NRXN1: variants seen among roughly 807,000 people sequenced by gnomAD.
NRXN1 encodes the protein neurexin-1.
Under a neutral mutation model 150.9 loss-of-function variants are expected in NRXN1, and 39 were observed. The observed-to-expected ratio is 0.26, with a 90% CI of 0.20 to 0.34. The LOEUF is 0.34. Among genes scored for constraint, NRXN1 ranks in the 10% least tolerant of loss-of-function variants. The pLI, the probability that NRXN1 is intolerant of heterozygous loss-of-function variation, is 1.00. For missense variants in NRXN1, 1,815 were observed against 1,949.9 expected (o/e 0.93, Z 1.30); for synonymous variants, 924 against 757.0 (o/e 1.22, Z -3.62).
intron 17 of NRXN1, among the ~76,000 whole-genome samples, chr2:50,272,846 A>C (rs10187950): frequency 6.6e-6 from 1 of 151,996 alleles, no homozygotes; most frequent in Non-Finnish European, 1.5e-5. Flanking sequence ...CTAAAAATGC[A>C]TGCTACTTAT....
In NRXN1 at chr2:50,715,469, C is replaced by T. The variant is rs139352938; in HGVS notation, c.833-91854G>A. ...ACTGGATGTAAAAGTGATTTGTAAA[C>T]TGTAAATTGTTTATAAATATTGTTA... On this transcript the variant is annotated intron_variant, in intron 5 of 22. Transcript: ENST00000401669. Among the ~76,000 whole-genome samples the T allele has an allele frequency of 3.3e-3, 508 of 152,242 alleles. 3 individuals are homozygous for T. Among genetic ancestry groups the T allele is most frequent in the African/African-American group, 0.011 (467 of 41,552 alleles).
chr2:50,605,620 A>G (rs987534455), intron 8 of NRXN1, among the ~76,000 whole-genome samples: 7 of 152,238 alleles, frequency 4.6e-5, no homozygotes, highest in Non-Finnish European at 1.0e-4. Context: ...ATTATTAAAA[A>G]AGACAAAAAA....
intron 5 of NRXN1, among the ~76,000 whole-genome samples, chr2:50,827,251 C>G (rs1670582795): frequency 6.6e-6 from 1 of 152,176 alleles, no homozygotes; most frequent in Non-Finnish European, 1.5e-5. Context: ...CAAAGAAATA[C>G]TATCATTTTT....
intron 18 of NRXN1, among the ~76,000 whole-genome samples, chr2:50,187,761 G>A (rs569880067): frequency 6.4e-4 from 98 of 152,168 alleles, no homozygotes; most frequent in Middle Eastern, 6.8e-3. Context: ...ATTTCCTTGA[G>A]CAGTGGTTTG....
intron 2 of NRXN1, among the ~76,000 whole-genome samples, chr2:50,931,929 T>C (rs538066019): frequency 1.2e-4 from 18 of 152,086 alleles, no homozygotes; most frequent in African/African-American, 4.3e-4. Context: ...TGTCACCGTG[T>C]TGGCTCACTG....
In NRXN1 at chr2:50,868,128, G is replaced by C. The variant is rs568973272; in HGVS notation, c.832+53741C>G. Among the ~76,000 whole-genome samples the C allele has an allele frequency of 4.5e-4, 49 of 107,880 alleles. 1 individual carries two copies. Among genetic ancestry groups the C allele is most frequent in the East Asian group, 2.5e-3 (8 of 3,194 alleles). 70.8% of individuals were successfully genotyped at this position (107,880 alleles called of 152,430 possible). ...CTATGTGTCCATCACTGGATGAATG[G>C]ATAAACAAAATATTATATATATATA... On this transcript the variant is annotated intron_variant, in intron 5 of 22. Coordinates refer to ENST00000401669, the MANE Select transcript of NRXN1 (RefSeq NM_001330078.2).
chr2:50,079,045 T>A (rs967418140), intron 19 of NRXN1, among the ~76,000 whole-genome samples: 8 of 152,098 alleles, frequency 5.3e-5, no homozygotes, highest in Non-Finnish European at 1.0e-4. Flanking sequence ...AATTTTTCTG[T>A]ATGGGTGAGC....
intron 5 of NRXN1, among the ~76,000 whole-genome samples, chr2:50,706,732 T>C (rs1694494257): frequency 1.3e-5 from 2 of 152,066 alleles, no homozygotes; most frequent in African/African-American, 4.8e-5. Context: ...GGGAATCTTA[T>C]CAATGACCGG....
chr2:50,602,623 C>T (rs1676463106), intron 8 of NRXN1, among the ~76,000 whole-genome samples: 1 of 151,980 alleles, frequency 6.6e-6, no homozygotes, highest in Non-Finnish European at 1.5e-5. Context: ...CCCTTTCTGC[C>T]CCCTTTGCTC....
intron 18 of NRXN1, among the ~76,000 whole-genome samples, chr2:50,186,323 A>G (rs1020537462): frequency 6.6e-5 from 10 of 152,136 alleles, no homozygotes; most frequent in African/African-American, 2.2e-4. Context: ...CATTTCAAGA[A>G]GGGCTCCCTA....
At chr2:50,436,989 T>C (rs141311475) in intron 17 of NRXN1, among the ~76,000 whole-genome samples, 1 of 152,254 alleles carries the variant, frequency 6.6e-6, no homozygotes, top group African/African-American at 2.4e-5. Flanking sequence ...ACTAGGCAAA[T>C]TATTTACTGC....
intron 18 of NRXN1, among the ~76,000 whole-genome samples, chr2:50,207,260 AGAGTAT>A (rs202054155): frequency 0.011 from 1,742 of 152,022 alleles, 34 homozygotes; most frequent in African/African-American, 0.04. Flanking sequence ...GAATTTACTA[AGAGTAT>A]AAGTAGAAAC....
At chr2:50,791,292 G>A (rs1169527816) in intron 5 of NRXN1, among the ~76,000 whole-genome samples, 1 of 134,228 alleles carries the variant, frequency 7.5e-6, no homozygotes, top group East Asian at 2.3e-4. Flanking sequence ...AAATGCTACA[G>A]GAGATTCCAA....
chr2:50,422,766 T>C (rs1256458902), intron 17 of NRXN1, among the ~76,000 whole-genome samples: 1 of 152,182 alleles, frequency 6.6e-6, no homozygotes, highest in Non-Finnish European at 1.5e-5. Context: ...CAAATATAAC[T>C]GGTAACACAA....
At chr2:50,340,713 T>TA (rs1376355512) in intron 17 of NRXN1, among the ~76,000 whole-genome samples, 2 of 151,606 alleles carry the variant, frequency 1.3e-5, no homozygotes, top group African/African-American at 2.4e-5. Context: ...TAGTCCAATT[T>TA]AAAAAAAAGA....
intron 19 of NRXN1, among the ~76,000 whole-genome samples, chr2:50,078,509 T>C (rs565002931): frequency 9.2e-5 from 14 of 152,188 alleles, no homozygotes; most frequent in Non-Finnish European, 2.9e-5. Flanking sequence ...GACTAAAGTA[T>C]ACACTTTATT....
intron 17 of NRXN1, among the ~76,000 whole-genome samples, chr2:50,375,799 G>T (rs1029438700): frequency 6.6e-6 from 1 of 151,762 alleles, no homozygotes. Context: ...CATAAAGAGG[G>T]CTCTATGATA....
At chr2:50,057,535 T>C (rs1031308786) in intron 19 of NRXN1, among the ~76,000 whole-genome samples, 4 of 152,188 alleles carry the variant, frequency 2.6e-5, no homozygotes, top group African/African-American at 4.8e-5. Context: ...GCAAATTTGA[T>C]AGTTTGCCTT....
intron 22 of NRXN1, among the ~76,000 whole-genome samples, chr2:49,941,577 G>C (rs1382220578): frequency 2.0e-5 from 3 of 152,074 alleles, no homozygotes; most frequent in African/African-American, 7.2e-5. Context: ...TGATTCACTA[G>C]GTACTCAAGG....
Sources: allele counts gnomAD v4.1 joint callset (sites outside exome capture counted in the v4.1 genomes callset), GRCh38; gene constraint gnomAD v4.1.1; transcripts MANE v1.5; gene names NCBI Gene and HGNC (gene_info 2026-07-23, HGNC 2026-07-21).